BAIAP3: variants seen among roughly 807,000 people sequenced by gnomAD.
The protein encoded by BAIAP3 is BAI1-associated protein 3.
In BAIAP3, 180 loss-of-function variants were observed where a neutral mutation model predicts 149.7. The ratio of observed to expected loss-of-function variants is 1.20; its 90% confidence interval spans 1.07 to 1.36. The LOEUF (loss-of-function observed/expected upper bound fraction) is 1.36. BAIAP3 is among the 40% of genes most tolerant of loss of function. BAIAP3 has a pLI of 0.00. For missense variants in BAIAP3, 1,767 were observed against 1,563.4 expected (o/e 1.13, Z -2.20); for synonymous variants, 845 against 670.7 (o/e 1.26, Z -4.02).
At chr16:1,334,999 C>T (rs537943211) in intron 1 of BAIAP3, among the ~76,000 whole-genome samples, 239 of 152,286 alleles carry the variant, frequency 1.6e-3, no homozygotes, top group Non-Finnish European at 2.4e-3. Flanking sequence ...GCGTTTGTTC[C>T]TAGACAGCCT....
At position 1,339,260 on chromosome 16, in the gene BAIAP3, G is replaced by C; in HGVS notation, c.300+16G>C. ...CCCAGAGGAGGTAAAGGTGGGGGTC[G>C]GAACCAGGGGCAGTCGTCTGCAGCG... On this transcript the variant is annotated intron_variant, in intron 4 of 33. Coordinates refer to ENST00000426824, the MANE Select transcript of BAIAP3 (RefSeq NM_001199097.2). The C allele has an allele frequency of 6.4e-7, 1 of 1,555,552 alleles. No homozygotes were observed. The highest frequency in any genetic ancestry group is 1.2e-5 in the South Asian group (1 of 84,742).
chr16:1,338,384 C>T (rs891506310), intron 1 of BAIAP3, among the ~76,000 whole-genome samples, 156 bp from the exon 2 acceptor site: 3 of 152,136 alleles, frequency 2.0e-5, no homozygotes, highest in East Asian at 1.9e-4. Flanking sequence ...GAGCCCTCAC[C>T]GCCTGACCAG....
Position 1,347,568 on chromosome 16 carries a change from G to C in BAIAP3, c.2847G>C (p.Leu949=). 1 of 1,611,656 alleles carries C rather than the reference G, an allele frequency of 6.2e-7. No individual in the cohort carries two copies. The highest frequency in any genetic ancestry group is 8.5e-7 in the Non-Finnish European group (1 of 1,179,406). Reference sequence around the variant, plus strand: ...AGAGGCTGAAGGAGGAGCTGCGGCTGCACAAATGTTCCACCCGCGAGTGCA... The same window carrying C: ...AGAGGCTGAAGGAGGAGCTGCGGCTCCACAAATGTTCCACCCGCGAGTGCA... ...SYKRLKEELR[L]HKCSTRECIE... is the part of the protein sequence containing the mutation. Residue 949 remains leucine, a synonymous_variant, in exon 30 of 34, where the codon CTG becomes CTC. Transcript: ENST00000426824.
intron 8 of BAIAP3, 59 bp downstream of exon 8, chr16:1,341,548 GCTGTGC>G: frequency 6.4e-7 from 1 of 1,553,318 alleles, no homozygotes; most frequent in Non-Finnish European, 8.7e-7. Flanking sequence ...CCAGAGCTGG[GCTGTGC>G]CTGGAGGGTG....
At chr16:1,343,274 G>A (rs1567165757) in intron 14 of BAIAP3, 119 bp from the exon 15 acceptor site, 1 of 1,425,374 alleles carries the variant, frequency 7.0e-7, no homozygotes, top group South Asian at 1.4e-5. Flanking sequence ...GCAGTGCTAT[G>A]AGTAGGCGCG....
Position 1,340,978 on chromosome 16 carries a change from C to T in BAIAP3, c.465C>T (p.Ala155=), listed in dbSNP as rs1362940834. ...HTEAIERVRK[A]KAPTYALKVS... is the part of the protein sequence containing the mutation. The stretch of plus-strand genomic sequence containing the variant: ...AGGCCATCGAGCGAGTGAGGAAGGC[C>T]AAGGTGAGGCCGCCACTGCCTGGGC... Residue 155 remains alanine (A), a synonymous_variant, in exon 6 of 34, where the codon GCC becomes GCT. Transcript: ENST00000426824. 3 of 1,597,368 alleles carry T rather than the reference C, an allele frequency of 1.9e-6. No homozygotes were observed.
chr16:1,348,425 G>A lies in BAIAP3; in HGVS notation c.3402G>A (p.Ala1134=), dbSNP rs774780191. 5.3e-5 allele frequency: 85 copies of A among 1,612,590 alleles called. No individual in the cohort carries two copies. The East Asian group carries it at 5.8e-4, about 11-fold the overall frequency. Residue 1134 remains alanine, a synonymous_variant, in exon 34 of 34, where the codon GCG becomes GCA. Transcript: ENST00000426824. ...RRLEGRTSKE[A]QEFVKKLKEL... ...TGGAAGGCCGCACCAGCAAGGAGGC[G>A]CAGGAGTTCGTGAAGAAACTCAAGG...
rs549326877 is a variant in BAIAP3 at position 1,346,235 on chromosome 16, G to C, written c.2367G>C (p.Leu789=). 41 of 1,612,164 alleles carry C rather than the reference G, an allele frequency of 2.5e-5. 2 individuals carry two copies. In the South Asian group the frequency reaches 3.1e-4, roughly 12 times the overall value. The change falls in exon 25 of 34, where the codon CTG becomes CTC. Residue 789 remains leucine, a synonymous_variant. Coordinates refer to ENST00000426824, the MANE Select transcript of BAIAP3 (RefSeq NM_001199097.2). ...CTGCTGGGCAGGCCTTGAAGGGCCT[G>C]GCATGGCCAGAGGGGGCCACGGGGC... ...RKAAGQALKG[L]AWPEGATGPE...
Position 1,338,532 on chromosome 16 carries a change from T to G in BAIAP3, c.-10-8T>G, listed in dbSNP as rs1013981858. On this transcript the variant is annotated splice_polypyrimidine_tract_variant and splice_region_variant and intron_variant, in intron 1 of 33. Transcript: ENST00000426824. ...ACCTGAGGCTGCGGGCTGTGCTCTC[T>G]GCTGTAGGTCACCCGCCATGTCGAC... The G allele has an allele frequency of 1.7e-5, 25 of 1,491,052 alleles. No homozygotes were observed. Among genetic ancestry groups the G allele is most frequent in the Non-Finnish European group, 2.3e-5 (25 of 1,104,370 alleles). The allele number at this position is 1,491,052 out of a possible 1,614,324, so 92.4% of individuals were successfully genotyped here.
intron 1 of BAIAP3, among the ~76,000 whole-genome samples, chr16:1,335,292 G>C (rs1237561439): frequency 6.6e-6 from 1 of 152,240 alleles, no homozygotes; most frequent in Non-Finnish European, 1.5e-5. Flanking sequence ...GTGCCACAAG[G>C]CAGGAGCTCC....
rs1435178380 is a variant in BAIAP3, at chr16:1,344,154, C to T, written c.1511+8C>T. 3.7e-6 allele frequency: 6 copies of T among 1,611,804 alleles called. No homozygotes were observed. The South Asian group carries it at 4.4e-5, about 12-fold the overall frequency. On this transcript the variant is annotated splice_region_variant and intron_variant, in intron 16 of 33. Transcript: ENST00000426824. ...CCTGGAGCTGCTGCTGAAGTGGGTG[C>T]AGCGCCGCGTGTCAGCGTGGGTGGG...
intron 25 of BAIAP3, 28 bp from the exon 26 acceptor site, chr16:1,346,414 C>T (rs1456548892): frequency 1.2e-6 from 2 of 1,611,980 alleles, no homozygotes; most frequent in African/African-American, 1.3e-5. Context: ...TGCCCCCTGC[C>T]CGTGCTGAGC....
intron 1 of BAIAP3, among the ~76,000 whole-genome samples, chr16:1,336,797 C>T: frequency 6.6e-6 from 1 of 152,216 alleles, no homozygotes; most frequent in East Asian, 1.9e-4. Flanking sequence ...TCTTCGTTTC[C>T]TCTCCTGTCC....
intron 1 of BAIAP3, among the ~76,000 whole-genome samples, chr16:1,335,718 C>T (rs2033407826): frequency 6.6e-6 from 1 of 152,194 alleles, no homozygotes; most frequent in South Asian, 2.1e-4. Flanking sequence ...TTCTGTACAC[C>T]TGTGCCAAGA....
Position 1,348,778 on chromosome 16 carries a change from G to C in BAIAP3, c.*296G>C. 2.0e-6 allele frequency: 1 copy of C among 498,338 alleles called. No homozygotes were observed. The allele number at this position is 498,338 out of a possible 1,614,324, so 30.9% of individuals were successfully genotyped here. A position where few individuals can be genotyped will look rare whatever the true frequency, so the allele number is the denominator to read the frequency against. ...GCTTGACCACCTGGTGGGCCTCCCT[G>C]CCCGCTTCCTTGGGCTCCCCGGCCC... is the stretch of plus-strand genomic sequence containing the variant. On this transcript the variant is annotated 3_prime_UTR_variant, in exon 34 of 34. Transcript: ENST00000426824.
At chr16:1,347,394 G>C in intron 29 of BAIAP3, 25 bp downstream of exon 29, 1 of 1,611,046 alleles carries the variant, frequency 6.2e-7, no homozygotes. Context: ...TCTGTGGGGC[G>C]GGGGTGTGGA....
chr16:1,347,472 G>C, intron 29 of BAIAP3, 73 bp from the exon 30 acceptor site: 2 of 1,577,136 alleles, frequency 1.3e-6, no homozygotes, highest in South Asian at 2.3e-5. Flanking sequence ...GGCCCCACGG[G>C]CAGTCAGGTC....
chr16:1,336,216 A>T (rs941358446), intron 1 of BAIAP3: 9 of 985,252 alleles, frequency 9.1e-6, no homozygotes, highest in Middle Eastern at 5.2e-4. Flanking sequence ...GGGGGACAGC[A>T]GGGGGAGCAG....
chr16:1,344,465 G>T lies in BAIAP3; in HGVS notation c.1603-4G>T. On this transcript the variant is annotated splice_polypyrimidine_tract_variant and splice_region_variant and intron_variant, in intron 17 of 33. Coordinates refer to ENST00000426824, the MANE Select transcript of BAIAP3 (RefSeq NM_001199097.2). ...CCATGCTGTCTTGGTGGTGTCTGTT[G>T]CAGAGAGGCAACCGTGAGTGGTACG... 6.2e-7 allele frequency: 1 copy of T among 1,613,452 alleles called. No individual in the cohort carries two copies. Among genetic ancestry groups the T allele is most frequent in the East Asian group, 2.2e-5 (1 of 44,880 alleles).
Sources: allele counts gnomAD v4.1 joint callset (sites outside exome capture counted in the v4.1 genomes callset), GRCh38; gene constraint gnomAD v4.1.1; transcripts MANE v1.5; gene names NCBI Gene and HGNC (gene_info 2026-07-23, HGNC 2026-07-21).